The following NOL4 variants were observed in gnomAD, a reference collection of about 807,000 sequenced individuals.
The protein encoded by NOL4 is cancer/testis antigen 125.
A neutral mutation model predicts 75.9 loss-of-function variants in NOL4; 17 were observed. The observed-to-expected ratio is 0.22, with a 90% CI of 0.15 to 0.34. The LOEUF is 0.34. Ranked by LOEUF, NOL4 falls within the 10% of genes least tolerant of loss-of-function variation. NOL4 has a pLI of 1.00. For missense variants in NOL4, 614 were observed against 793.5 expected, an observed-to-expected ratio of 0.77 and a Z score of 2.72; for synonymous variants, 292 against 289.9, an observed-to-expected ratio of 1.01 and a Z score of -0.07.
chr18:33,931,072 G>T (rs1489997387), intron 9 of NOL4, among the ~76,000 whole-genome samples: 1 of 152,082 alleles, frequency 6.6e-6, no homozygotes, highest in Non-Finnish European at 1.5e-5. Flanking sequence ...AGGAAAGGAA[G>T]AAAGGAAGGA....
chr18:34,141,660 T>G (rs559903785), intron 1 of NOL4, among the ~76,000 whole-genome samples: 1 of 152,306 alleles, frequency 6.6e-6, no homozygotes, highest in East Asian at 1.9e-4. Context: ...ATGCCTTCCT[T>G]ACACCTTATA....
At chr18:33,892,535 T>C (rs2065152950) in intron 9 of NOL4, among the ~76,000 whole-genome samples, 1 of 152,160 alleles carries the variant, frequency 6.6e-6, no homozygotes, top group African/African-American at 2.4e-5. Context: ...ACCATGAAGA[T>C]TGTTTTCACA....
At chr18:34,101,882 T>A (rs1308278231) in intron 4 of NOL4, among the ~76,000 whole-genome samples, 9 of 152,054 alleles carry the variant, frequency 5.9e-5, no homozygotes, top group African/African-American at 2.2e-4. Context: ...AGAGTAAAAT[T>A]TAAAAGTTCT....
At chr18:33,957,632 G>A in intron 7 of NOL4, 115 bp from the exon 8 acceptor site, 2 of 774,796 alleles carry the variant, frequency 2.6e-6, no homozygotes, top group Non-Finnish European at 3.8e-6. Context: ...ATGCACTGGA[G>A]AACTTTGCAA....
chr18:33,887,822 A>T (rs1376156508), intron 9 of NOL4, among the ~76,000 whole-genome samples: 3 of 152,134 alleles, frequency 2.0e-5, no homozygotes, highest in East Asian at 1.9e-4. Flanking sequence ...TCTATCATTG[A>T]TGGACATTTG....
At chr18:33,938,020 C>T (rs911062619) in intron 9 of NOL4, among the ~76,000 whole-genome samples, 2 of 152,026 alleles carry the variant, frequency 1.3e-5, no homozygotes, top group African/African-American at 4.8e-5. Flanking sequence ...GATACAAGTC[C>T]TAAATGTTTG....
At chr18:34,110,118 C>T (rs1034981042) in intron 2 of NOL4, among the ~76,000 whole-genome samples, 5 of 130,372 alleles carry the variant, frequency 3.8e-5, no homozygotes, top group East Asian at 2.1e-4. Context: ...CTTCCATCCC[C>T]GCCCTCCCAC....
chr18:34,129,761 C>A, intron 2 of NOL4, 110 bp downstream of exon 2: 2 of 1,045,374 alleles, frequency 1.9e-6, no homozygotes, highest in Non-Finnish European at 2.6e-6. Flanking sequence ...ATCATATGGC[C>A]TAATTTATGT....
chr18:33,944,122 T>C (rs1184252332), intron 8 of NOL4, among the ~76,000 whole-genome samples: 1 of 151,798 alleles, frequency 6.6e-6, no homozygotes, highest in Admixed American at 6.6e-5. Flanking sequence ...AATTATGAAA[T>C]AAATGTATCT....
intron 5 of NOL4, among the ~76,000 whole-genome samples, chr18:34,080,350 C>A (rs1456461981): frequency 6.6e-6 from 1 of 152,170 alleles, no homozygotes; most frequent in Admixed American, 6.5e-5. Context: ...TTGTGGGCCT[C>A]TTCTATTTTG....
At chr18:33,885,890 G>A (rs991881976) in intron 9 of NOL4, among the ~76,000 whole-genome samples, 1 of 152,100 alleles carries the variant, frequency 6.6e-6, no homozygotes, top group Non-Finnish European at 1.5e-5. Flanking sequence ...TTGCAACACT[G>A]TTTACAATAG....
At chr18:33,960,979 T>C (rs953730371) in intron 6 of NOL4, among the ~76,000 whole-genome samples, 2 of 152,114 alleles carry the variant, frequency 1.3e-5, no homozygotes, top group African/African-American at 4.8e-5. Context: ...ATATGTATTT[T>C]ATATGGGCTG....
At chr18:33,883,799 G>A (rs1394100558) in intron 9 of NOL4, among the ~76,000 whole-genome samples, 4 of 152,112 alleles carry the variant, frequency 2.6e-5, no homozygotes, top group African/African-American at 9.7e-5. Flanking sequence ...AAGAAACCCT[G>A]TCATACTACA....
intron 1 of NOL4, among the ~76,000 whole-genome samples, chr18:34,142,555 A>G (rs1157605420): frequency 1.3e-5 from 2 of 152,182 alleles, no homozygotes; most frequent in East Asian, 1.9e-4. Flanking sequence ...GCTGGAAACC[A>G]TCATTCTCAG....
intron 5 of NOL4, among the ~76,000 whole-genome samples, chr18:34,078,461 T>C (rs1406039342): frequency 2.0e-5 from 3 of 152,282 alleles, no homozygotes; most frequent in South Asian, 4.1e-4. Flanking sequence ...ATTACCTCCA[T>C]AGGACAATGA....
At chr18:34,038,429 A>T (rs1440682584) in intron 5 of NOL4, among the ~76,000 whole-genome samples, 1 of 152,034 alleles carries the variant, frequency 6.6e-6, no homozygotes, top group African/African-American at 2.4e-5. Context: ...GAGGATACCT[A>T]CACTAGCATG....
At chr18:33,876,694 A>G (rs969228832) in intron 10 of NOL4, among the ~76,000 whole-genome samples, 1 of 152,130 alleles carries the variant, frequency 6.6e-6, no homozygotes, top group East Asian at 1.9e-4. Context: ...AAGTCAGAAC[A>G]TTTGGAATTC....
chr18:33,900,648 A>C (rs1388324213), intron 9 of NOL4, among the ~76,000 whole-genome samples: 5 of 152,216 alleles, frequency 3.3e-5, no homozygotes, highest in Non-Finnish European at 7.3e-5. Context: ...TAAAAAAATT[A>C]AACTGCCATG....
chr18:33,883,154 T>A, intron 10 of NOL4, 90 bp downstream of exon 10: 1 of 932,742 alleles, frequency 1.1e-6, no homozygotes, highest in Non-Finnish European at 1.6e-6. Context: ...CATGTATACA[T>A]ATGTAACTAA....
Sources: allele counts gnomAD v4.1 joint callset (sites outside exome capture counted in the v4.1 genomes callset), GRCh38; gene constraint gnomAD v4.1.1; transcripts MANE v1.5; gene names NCBI Gene and HGNC (gene_info 2026-07-23, HGNC 2026-07-21).